The following ANKS1B variants were observed in gnomAD, a reference collection of about 807,000 sequenced individuals.
ANKS1B encodes the protein ankyrin repeat and sterile alpha motif domain-containing protein 1B.
In ANKS1B, 36 loss-of-function variants were observed where a neutral mutation model predicts 148.3. That is an observed-to-expected ratio of 0.24 (90% confidence interval 0.19 to 0.32). The LOEUF is 0.32. ANKS1B is among the 10% of genes least tolerant of loss of function. The pLI, the probability that ANKS1B is intolerant of heterozygous loss-of-function variation, is 1.00. For synonymous variants in ANKS1B, 542 were observed against 560.8 expected (o/e 0.97, Z 0.47); for missense variants, 1,157 against 1,542.6 (o/e 0.75, Z 4.19).
intron 9 of ANKS1B, among the ~76,000 whole-genome samples, chr12:99,647,474 C>T (rs1180405018): frequency 6.6e-6 from 1 of 152,198 alleles, no homozygotes; most frequent in Non-Finnish European, 1.5e-5. Context: ...AATGAGTATA[C>T]AGAGAATGTA....
chr12:99,898,620 C>T (rs2093473418), intron 1 of ANKS1B, among the ~76,000 whole-genome samples: 1 of 152,102 alleles, frequency 6.6e-6, no homozygotes, highest in Admixed American at 6.5e-5. Context: ...GCTTCCATGA[C>T]CCTATCTGTT....
At chr12:99,149,076 G>A (rs949461376) in intron 15 of ANKS1B, among the ~76,000 whole-genome samples, 1 of 151,424 alleles carries the variant, frequency 6.6e-6, no homozygotes, top group Non-Finnish European at 1.5e-5. Context: ...GGGGGAGGGG[G>A]GTGACTAATC....
At chr12:99,207,729 A>T (rs1159291396) in intron 14 of ANKS1B, among the ~76,000 whole-genome samples, 2 of 152,158 alleles carry the variant, frequency 1.3e-5, no homozygotes, top group Non-Finnish European at 1.5e-5. Context: ...GAGAAAAATA[A>T]GTAATATTTT....
At chr12:99,143,051 A>G (rs1265629479) in intron 15 of ANKS1B, among the ~76,000 whole-genome samples, 5 of 152,152 alleles carry the variant, frequency 3.3e-5, no homozygotes, top group Admixed American at 3.3e-4. Flanking sequence ...ATTTGTTTCT[A>G]GTCCTCAGAT....
At chr12:99,910,910 C>T (rs1198156968) in intron 1 of ANKS1B, among the ~76,000 whole-genome samples, 2 of 152,050 alleles carry the variant, frequency 1.3e-5, no homozygotes, top group Non-Finnish European at 2.9e-5. Context: ...ATAATGACAG[C>T]AATAATAATA....
chr12:99,568,131 CT>C (rs2097417041), intron 9 of ANKS1B, among the ~76,000 whole-genome samples: 1 of 152,188 alleles, frequency 6.6e-6, no homozygotes, highest in African/African-American at 2.4e-5. Context: ...TAAGTCAGAA[CT>C]ATGAAAATCA....
intron 8 of ANKS1B, among the ~76,000 whole-genome samples, chr12:99,678,618 T>A (rs1004074456): frequency 3.3e-5 from 5 of 152,140 alleles, no homozygotes; most frequent in Non-Finnish European, 5.9e-5. Context: ...CTGGGCTAAG[T>A]ACAATCCATC....
rs571863401 is a variant in ANKS1B, at chr12:99,154,847, G to A, written c.2420-452C>T. The A allele has an allele frequency of 6.1e-5, 94 of 1,529,378 alleles. No individual in the cohort carries two copies. In the South Asian group the frequency reaches 9.7e-4, roughly 16 times the overall value. 94.7% of individuals were successfully genotyped at this position (1,529,378 alleles called of 1,614,324 possible). On this transcript the variant is annotated intron_variant, in intron 14 of 26. Coordinates refer to ENST00000683438, the MANE Select transcript of ANKS1B (RefSeq NM_001352186.2). Reference sequence around the variant, plus strand: ...AGCTCCATGCTCCTTGCTCCCCCTCGCTCGCTCCCCTTCATTACCCAGCCC... The same window carrying A: ...AGCTCCATGCTCCTTGCTCCCCCTCACTCGCTCCCCTTCATTACCCAGCCC...
chr12:99,141,262 T>C (rs534433442), intron 15 of ANKS1B, among the ~76,000 whole-genome samples: 1 of 152,262 alleles, frequency 6.6e-6, no homozygotes, highest in African/African-American at 2.4e-5. Flanking sequence ...TCAGAAAAAC[T>C]TCTTTTGACA....
At chr12:99,616,423 G>C (rs1173136308) in intron 9 of ANKS1B, among the ~76,000 whole-genome samples, 2 of 152,054 alleles carry the variant, frequency 1.3e-5, no homozygotes, top group African/African-American at 4.8e-5. Context: ...AAACAGCAGG[G>C]TACTCGTACC....
intron 1 of ANKS1B, among the ~76,000 whole-genome samples, chr12:99,939,794 G>C (rs2094874642): frequency 6.6e-6 from 1 of 152,120 alleles, no homozygotes; most frequent in South Asian, 2.1e-4. Flanking sequence ...TGTGAGATAA[G>C]ACATAATCCT....
chr12:99,878,208 C>T (rs1263887170), intron 1 of ANKS1B, among the ~76,000 whole-genome samples: 1 of 152,084 alleles, frequency 6.6e-6, no homozygotes, highest in East Asian at 1.9e-4. Flanking sequence ...TACTGTAGCT[C>T]CAGACATCTT....
At chr12:99,271,473 GATA>G (rs1169354657) in intron 12 of ANKS1B, among the ~76,000 whole-genome samples, 1 of 151,670 alleles carries the variant, frequency 6.6e-6, no homozygotes, top group Non-Finnish European at 1.5e-5. Flanking sequence ...TAAGATTAGG[GATA>G]ATGTTTTCTT....
intron 17 of ANKS1B, among the ~76,000 whole-genome samples, chr12:99,035,588 A>G (rs1043770001): frequency 1.3e-5 from 2 of 152,144 alleles, no homozygotes; most frequent in Non-Finnish European, 2.9e-5. Flanking sequence ...ATAAATTTGT[A>G]TGCCTTTTCT....
Position 99,648,374 on chromosome 12 carries a change from G to A in ANKS1B, c.1272+6693C>T, listed in dbSNP as rs184425136. The stretch of plus-strand genomic sequence containing the variant: ...GTGATTGACGTGCACAACCGTGCCC[G>A]AATGGTAACAATGGGCATCGTTCGC... On this transcript the variant is annotated intron_variant, in intron 9 of 26. Transcript: ENST00000683438. 43 of 1,614,158 alleles carry A rather than the reference G, an allele frequency of 2.7e-5. No homozygotes were observed. In the East Asian group the frequency reaches 6.5e-4, roughly 24 times the overall value.
intron 17 of ANKS1B, among the ~76,000 whole-genome samples, chr12:98,907,737 C>T (rs2099781345): frequency 6.6e-6 from 1 of 152,150 alleles, no homozygotes; most frequent in Non-Finnish European, 1.5e-5. Flanking sequence ...CCCATAATTC[C>T]CACGTGCTGT....
chr12:99,555,836 T>C (rs749454285), intron 9 of ANKS1B, among the ~76,000 whole-genome samples: 3 of 152,166 alleles, frequency 2.0e-5, no homozygotes, highest in Non-Finnish European at 4.4e-5. Context: ...TTTGGTTTTC[T>C]AGTATTTTGT....
intron 15 of ANKS1B, among the ~76,000 whole-genome samples, chr12:99,127,793 A>G (rs1357749070): frequency 6.6e-6 from 1 of 152,354 alleles, no homozygotes; most frequent in East Asian, 1.9e-4. Context: ...TCGATCAGCA[A>G]ATGCTTGGGG....
chr12:99,298,354 A>G (rs1024191066), intron 12 of ANKS1B, among the ~76,000 whole-genome samples: 3 of 152,168 alleles, frequency 2.0e-5, no homozygotes, highest in Non-Finnish European at 2.9e-5. Context: ...ATAGTAGTGA[A>G]CAAGTCTCAT....
Sources: gnomAD v4.1 joint callset for allele counts (sites outside exome capture counted in the v4.1 genomes callset) on GRCh38, gnomAD v4.1.1 for gene constraint, MANE v1.5 for transcripts, NCBI Gene and HGNC (gene_info 2026-07-23, HGNC 2026-07-21) for gene names.